CBLB: variants seen among roughly 807,000 people sequenced by gnomAD.
The protein encoded by CBLB is E3 ubiquitin-protein ligase CBL-B.
In CBLB, 31 loss-of-function variants were observed where a neutral mutation model predicts 104.9. The observed-to-expected ratio is 0.30, with a 90% confidence interval of 0.22 to 0.40. The LOEUF is 0.40. Ranked by LOEUF, CBLB falls within the 10% of genes least tolerant of loss-of-function variation. The probability of loss-of-function intolerance (pLI) is 1.00; values close to 1 mark genes in which losing one functional copy is unlikely to be tolerated. For synonymous variants in CBLB, 440 were observed against 422.6 expected (o/e 1.04, Z -0.51); for missense variants, 1,062 against 1,214.6 (o/e 0.87, Z 1.87).
intron 3 of CBLB, among the ~76,000 whole-genome samples, chr3:105,834,517 G>A (rs944853752): frequency 2.0e-4 from 30 of 152,064 alleles, no homozygotes; most frequent in Admixed American, 1.4e-3. Flanking sequence ...TTAGCCGGGC[G>A]TGGTGGCAGG....
At chr3:105,715,428 T>C (rs2071711956) in intron 10 of CBLB, among the ~76,000 whole-genome samples, 2 of 152,218 alleles carry the variant, frequency 1.3e-5, no homozygotes, top group African/African-American at 4.8e-5. Flanking sequence ...CATTTAACTA[T>C]AAAAGAAATA....
intron 13 of CBLB, among the ~76,000 whole-genome samples, chr3:105,688,647 C>CA (rs2067295410): frequency 6.6e-6 from 1 of 151,974 alleles, no homozygotes. Flanking sequence ...TACATTATCC[C>CA]AATCCTAACA....
intron 3 of CBLB, chr3:105,824,319 T>G (rs533296998): frequency 6.6e-6 from 1 of 152,310 alleles, no homozygotes; most frequent in South Asian, 2.1e-4. Context: ...ACATGTACTA[T>G]TGGTGGAGAC....
At chr3:105,778,897 G>A (rs562805829) in intron 3 of CBLB, among the ~76,000 whole-genome samples, 4 of 152,076 alleles carry the variant, frequency 2.6e-5, no homozygotes, top group South Asian at 4.1e-4. Flanking sequence ...CTATATCAAA[G>A]GAAAGACTTG....
chr3:105,866,157 A>G (rs965375540), intron 2 of CBLB, among the ~76,000 whole-genome samples: 3 of 152,212 alleles, frequency 2.0e-5, no homozygotes, highest in Non-Finnish European at 4.4e-5. Flanking sequence ...AAGGCTATTT[A>G]TCTGGCAAAA....
intron 10 of CBLB, among the ~76,000 whole-genome samples, chr3:105,711,638 G>C (rs9811870): frequency 0.99 from 150,118 of 152,204 alleles, 74,069 homozygotes; most frequent in East Asian, 1. Flanking sequence ...TCATTTCCTG[G>C]TTACCCATGG....
chr3:105,809,471 A>G (rs905394256), intron 3 of CBLB, among the ~76,000 whole-genome samples: 5 of 152,184 alleles, frequency 3.3e-5, no homozygotes, highest in Non-Finnish European at 7.4e-5. Flanking sequence ...CCAGCCACTC[A>G]TGAGTCTACA....
intron 14 of CBLB, chr3:105,682,219 A>T (rs1289217987): frequency 6.0e-6 from 1 of 166,156 alleles, no homozygotes; most frequent in African/African-American, 2.4e-5. Flanking sequence ...GATAGTATTT[A>T]ATATCATATT....
intron 17 of CBLB, chr3:105,670,705 CA>C (rs1559755277): frequency 8.4e-6 from 2 of 237,560 alleles, no homozygotes; most frequent in Non-Finnish European, 1.7e-5. Context: ...AAAGTAAAAG[CA>C]AAAAACAAAC....
In CBLB at chr3:105,657,341, A is replaced by G. The variant is rs1357568060; in HGVS notation, c.*1629T>C. 1 of 217,450 alleles carries G rather than the reference A, an allele frequency of 4.6e-6. No individual in the cohort carries two copies. The highest frequency in any genetic ancestry group is 2.2e-5 in the African/African-American group (1 of 44,458). The allele number at this position is 217,450 out of a possible 1,614,324, so 13.5% of individuals were successfully genotyped here. A position where few individuals can be genotyped will look rare whatever the true frequency, so the allele number is the denominator to read the frequency against. ...GGTGGGTGTGAAGTGAAAAGAGGAG[A>G]CACAGAAATATGCACAAACCCACAA... On this transcript the variant is annotated 3_prime_UTR_variant, in exon 19 of 19. Coordinates refer to ENST00000394030, the MANE Select transcript of CBLB (RefSeq NM_170662.5).
At chr3:105,767,333 G>A (rs1577019457) in intron 4 of CBLB, among the ~76,000 whole-genome samples, 1 of 152,090 alleles carries the variant, frequency 6.6e-6, no homozygotes, top group African/African-American at 2.4e-5. Context: ...TCACTCGCTG[G>A]AAAGGTAAAG....
chr3:105,683,471 G>T (rs1405892907), intron 14 of CBLB, among the ~76,000 whole-genome samples: 1 of 151,806 alleles, frequency 6.6e-6, no homozygotes. Flanking sequence ...TCAAGATTTG[G>T]GAGCTCTGCC....
At chr3:105,715,908 A>G (rs2071788736) in intron 10 of CBLB, among the ~76,000 whole-genome samples, 1 of 152,042 alleles carries the variant, frequency 6.6e-6, no homozygotes, top group Non-Finnish European at 1.5e-5. Context: ...GCGTGGTGGC[A>G]GGCGTCTGCA....
intron 3 of CBLB, among the ~76,000 whole-genome samples, chr3:105,833,547 C>T (rs2087910937): frequency 6.6e-6 from 1 of 152,004 alleles, no homozygotes; most frequent in South Asian, 2.1e-4. Flanking sequence ...CTGCTTGCAA[C>T]CAGTTTTGTT....
chr3:105,748,745 TA>T (rs2076338199), intron 5 of CBLB, among the ~76,000 whole-genome samples: 1 of 152,222 alleles, frequency 6.6e-6, no homozygotes, highest in South Asian at 2.1e-4. Context: ...TGCCTGCATA[TA>T]AGAATGAAAG....
At chr3:105,748,826 C>T (rs749647777) in intron 5 of CBLB, among the ~76,000 whole-genome samples, 1 of 152,218 alleles carries the variant, frequency 6.6e-6, no homozygotes, top group East Asian at 1.9e-4. Flanking sequence ...CCTGCCCCCC[C>T]ACTGGCTCCT....
At chr3:105,783,607 C>T (rs191449702) in intron 3 of CBLB, among the ~76,000 whole-genome samples, 1 of 152,228 alleles carries the variant, frequency 6.6e-6, no homozygotes, top group East Asian at 1.9e-4. Context: ...ATGAAGATGA[C>T]AGAATCCTAT....
chr3:105,667,371 G>A (rs1417831885), intron 18 of CBLB, among the ~76,000 whole-genome samples: 2 of 152,114 alleles, frequency 1.3e-5, no homozygotes, highest in Non-Finnish European at 2.9e-5. Context: ...AAAGCAAACT[G>A]AGAAATTTGT....
intron 13 of CBLB, among the ~76,000 whole-genome samples, chr3:105,688,342 C>T (rs2067256969): frequency 6.7e-6 from 1 of 148,988 alleles, no homozygotes; most frequent in African/African-American, 2.5e-5. Context: ...ATAGTCACCA[C>T]CCCCCCCACA....
Sources: gnomAD v4.1 joint callset for allele counts (sites outside exome capture counted in the v4.1 genomes callset) on GRCh38, gnomAD v4.1.1 for gene constraint, MANE v1.5 for transcripts, NCBI Gene and HGNC (gene_info 2026-07-23, HGNC 2026-07-21) for gene names.